Variants in DZIP1 observed in about 807,000 individuals in gnomAD.
The protein encoded by DZIP1 is cilium assembly protein DZIP1.
Under a neutral mutation model 107.6 loss-of-function variants are expected in DZIP1, and 97 were observed. The observed-to-expected ratio is 0.90, with a 90% CI of 0.77 to 1.07. The LOEUF is 1.07. DZIP1 is among the 50% of genes least tolerant of loss of function. The pLI is 0.00. For synonymous variants in DZIP1, 390 were observed against 386.4 expected (o/e 1.01, Z -0.11); for missense variants, 1,035 against 1,063.6 (o/e 0.97, Z 0.37).
At position 95,642,138 on chromosome 13, in the gene DZIP1, G is replaced by A; in HGVS notation, c.-109C>T. The A allele has an allele frequency of 7.3e-7, 1 of 1,377,818 alleles. No individual in the cohort carries two copies. The highest frequency in any genetic ancestry group is 9.5e-7 in the Non-Finnish European group (1 of 1,057,678). The allele number at this position is 1,377,818 out of a possible 1,614,324, so 85.3% of individuals were successfully genotyped here. ...GGTTCCTCGCTTCCGCGGCGGCGGC[G>A]GCCTAAGGTCTGGGCGTCCAGGACG... On this transcript the variant is annotated 5_prime_UTR_variant, in exon 4 of 23. Transcript: ENST00000376829.
At chr13:95,606,183 T>C (rs1044367507) in intron 13 of DZIP1, 124 bp from the exon 14 acceptor site, 8 of 757,004 alleles carry the variant, frequency 1.1e-5, no homozygotes, top group East Asian at 7.7e-5. Flanking sequence ...GGAACAAATA[T>C]TTCAAGTGAC....
At chr13:95,588,759 T>C (rs2044233187) in intron 19 of DZIP1, among the ~76,000 whole-genome samples, 1 of 152,198 alleles carries the variant, frequency 6.6e-6, no homozygotes. Context: ...CTAGGGTCAG[T>C]ATTAACTTCC....
intron 7 of DZIP1, among the ~76,000 whole-genome samples, chr13:95,627,341 T>C (rs769008018): frequency 1.7e-4 from 26 of 152,144 alleles, no homozygotes; most frequent in Non-Finnish European, 3.4e-4. Context: ...CCTCTCTCAA[T>C]CTACATGCAA....
Position 95,579,828 on chromosome 13 carries a change from A to G in DZIP1, c.*2406T>C, listed in dbSNP as rs1227274899. 1 of 152,240 alleles carries G rather than the reference A, an allele frequency of 6.6e-6. No homozygotes were observed. 9.4% of individuals were successfully genotyped at this position (152,240 alleles called of 1,614,324 possible). On this transcript the variant is annotated 3_prime_UTR_variant, in exon 23 of 23. Coordinates refer to ENST00000376829, the MANE Select transcript of DZIP1 (RefSeq NM_198968.4). ...GACATGAAGGTAGATTAGGTCCTAC[A>G]GGCCAGTGTGGGACAGGGTTGTGTA...
Position 95,622,364 on chromosome 13 carries a change from G to A in DZIP1, c.1089C>T (p.Val363=). The A allele has an allele frequency of 1.2e-6, 2 of 1,614,216 alleles. No individual in the cohort carries two copies. Among genetic ancestry groups the A allele is most frequent in the Non-Finnish European group, 1.7e-6 (2 of 1,180,034 alleles). ...RSPYPQDFHN[V]MQLLDSQESK... is the part of the protein sequence containing the mutation. ...GTACCTGACTATCAAGAAGCTGCAT[G>A]ACATTATGGAAATCCTGGGGATATG... is the stretch of plus-strand genomic sequence containing the variant. Residue 363 remains valine, a synonymous_variant, in exon 9 of 23, where the codon GTC becomes GTT. Coordinates refer to ENST00000376829, the MANE Select transcript of DZIP1 (RefSeq NM_198968.4).
chr13:95,633,127 G>T, intron 6 of DZIP1, 107 bp downstream of exon 6: 1 of 1,031,190 alleles, frequency 9.7e-7, no homozygotes, highest in Non-Finnish European at 1.5e-6. Flanking sequence ...GACAGGGACC[G>T]TGATGCTTCT....
At chr13:95,607,087 C>T (rs893939350) in intron 13 of DZIP1, among the ~76,000 whole-genome samples, 1 of 152,112 alleles carries the variant, frequency 6.6e-6, no homozygotes, top group Non-Finnish European at 1.5e-5. Context: ...ACTCCCGTCG[C>T]CCAGGGTGGA....
chr13:95,614,130 A>C (rs939366408), intron 10 of DZIP1, among the ~76,000 whole-genome samples: 4 of 150,940 alleles, frequency 2.7e-5, no homozygotes, highest in African/African-American at 9.7e-5. Context: ...TGTCTCAAAA[A>C]AAAAAAAAAA....
intron 6 of DZIP1, among the ~76,000 whole-genome samples, chr13:95,632,115 G>A (rs1434487487): frequency 1.3e-5 from 2 of 152,024 alleles, no homozygotes; most frequent in African/African-American, 4.8e-5. Flanking sequence ...TCCTAGCATT[G>A]GGAAGACCTT....
Position 95,587,380 on chromosome 13 carries a change from T to C in DZIP1, c.2218+159A>G, listed in dbSNP as rs1323472290. Among the ~76,000 whole-genome samples, 4 of 152,160 alleles carry C rather than the reference T, an allele frequency of 2.6e-5. No homozygotes were observed. In the East Asian group the frequency reaches 7.7e-4, roughly 29 times the overall value. ...ACTCCTTCCTCTCCTTCAACTGGAA[T>C]GTGCTAAACCCTGCCCATTTTCCGT... On this transcript the variant is annotated intron_variant, in intron 20 of 22. Transcript: ENST00000376829.
intron 5 of DZIP1, among the ~76,000 whole-genome samples, chr13:95,637,577 A>C (rs1287693877): frequency 2.0e-5 from 3 of 149,956 alleles, no homozygotes; most frequent in Non-Finnish European, 4.4e-5. Flanking sequence ...TTCACTTTAA[A>C]AAAAGAAAAA....
At chr13:95,596,976 G>A (rs1417718281) in intron 15 of DZIP1, among the ~76,000 whole-genome samples, 2 of 152,208 alleles carry the variant, frequency 1.3e-5, no homozygotes, top group Non-Finnish European at 1.5e-5. Flanking sequence ...CGTGGACCCT[G>A]GGGTGTTTTC....
At position 95,641,800 on chromosome 13, in the gene DZIP1, A is replaced by G. The variant is rs1380706174; in HGVS notation, c.92T>C (p.Val31Ala). ...ACCCGCGGCGGCGGCGGCCACAGCG[A>G]CGTCGGGCCCCTCTGGGCCGCTGGC... is the stretch of plus-strand genomic sequence containing the variant. ...PLASGPEGPD[V>A]AVAAAAAGAA... is the part of the protein sequence containing the mutation. Residue 31 changes from valine (V) to alanine (A), a missense_variant, in exon 5 of 23, where the codon GTC becomes GCC. Coordinates refer to ENST00000376829, the MANE Select transcript of DZIP1 (RefSeq NM_198968.4). This position sits in a 1 kb window ranked among gnomAD's most constrained non-coding sequence, Gnocchi z 4.3. 1 of 1,495,662 alleles carries G rather than the reference A, an allele frequency of 6.7e-7. No homozygotes were observed. The highest frequency in any genetic ancestry group is 1.4e-5 in the African/African-American group (1 of 70,142). The allele number at this position is 1,495,662 out of a possible 1,614,324, so 92.6% of individuals were successfully genotyped here. A position where few individuals can be genotyped will look rare whatever the true frequency, so the allele number is the denominator to read the frequency against.
At chr13:95,640,832 G>A (rs1334943129) in intron 5 of DZIP1, among the ~76,000 whole-genome samples, 1 of 152,108 alleles carries the variant, frequency 6.6e-6, no homozygotes, top group African/African-American at 2.4e-5. Context: ...GTTAATAATG[G>A]GGGAATCTGG....
chr13:95,595,343 TTAGTCAAATTAC>T (rs1344237444), intron 15 of DZIP1, among the ~76,000 whole-genome samples: 2 of 148,278 alleles, frequency 1.3e-5, no homozygotes, highest in African/African-American at 5.0e-5. Flanking sequence ...GAAAGCAAAA[TTAGTCAAATTAC>T]TTTTGTGTAC....
At chr13:95,620,534 A>G (rs921654245) in intron 9 of DZIP1, among the ~76,000 whole-genome samples, 7 of 152,206 alleles carry the variant, frequency 4.6e-5, no homozygotes, top group African/African-American at 1.7e-4. Context: ...TTTTTTAGTA[A>G]GGAGCTAACA....
intron 2 of DZIP1, among the ~76,000 whole-genome samples, 159 bp from the exon 3 acceptor site, chr13:95,643,416 G>T (rs565421763): frequency 6.6e-6 from 1 of 152,118 alleles, no homozygotes; most frequent in Non-Finnish European, 1.5e-5. Context: ...ACTTCATATG[G>T]TTTCAAATAA....
rs1169833706 is a variant in DZIP1, at chr13:95,624,748, C to T, written c.972+20G>A. The stretch of plus-strand genomic sequence containing the variant: ...CTCAAGGCAATCAATACCATAAGAA[C>T]TTCTAGGTTTAATACTTACATATTC... On this transcript the variant is annotated intron_variant, in intron 8 of 22. Transcript: ENST00000376829. 14 of 1,577,358 alleles carry T rather than the reference C, an allele frequency of 8.9e-6. No individual in the cohort carries two copies. The South Asian group carries it at 1.4e-4, about 15-fold the overall frequency.
At chr13:95,620,562 T>C (rs1875700833) in intron 9 of DZIP1, among the ~76,000 whole-genome samples, 1 of 152,208 alleles carries the variant, frequency 6.6e-6, no homozygotes, top group Non-Finnish European at 1.5e-5. Flanking sequence ...TCATAGGCTC[T>C]GGGGGCCAGA....
Sources: allele counts gnomAD v4.1 joint callset (sites outside exome capture counted in the v4.1 genomes callset), GRCh38; gene constraint gnomAD v4.1.1; non-coding constraint Gnocchi (gnomAD v3.1); transcripts MANE v1.5; gene names NCBI Gene and HGNC (gene_info 2026-07-23, HGNC 2026-07-21).